The following LRRC4C variants were observed in gnomAD, a reference collection of about 807,000 sequenced individuals.
LRRC4C encodes the protein leucine rich repeat containing 4C.
A neutral mutation model predicts 33.6 loss-of-function variants in LRRC4C; 5 were observed. That is an observed-to-expected ratio of 0.15 (90% CI 0.08 to 0.31). LRRC4C has a LOEUF of 0.31. Ranked by LOEUF, LRRC4C falls within the 10% of genes least tolerant of loss-of-function variation. The pLI, the probability that LRRC4C is intolerant of heterozygous loss-of-function variation, is 1.00. For missense variants in LRRC4C, 560 were observed against 796.7 expected, an observed-to-expected ratio of 0.70 and a Z score of 3.58; for synonymous variants, 329 against 302.0, an observed-to-expected ratio of 1.09 and a Z score of -0.93.
At chr11:41,423,236 G>T (rs554470411) in intron 1 of LRRC4C, among the ~76,000 whole-genome samples, 19 of 152,010 alleles carry the variant, frequency 1.2e-4, no homozygotes, top group African/African-American at 4.3e-4. Context: ...TGGGTAATTG[G>T]CCAACACTGG....
chr11:41,381,688 A>G (rs1201086115), intron 1 of LRRC4C, among the ~76,000 whole-genome samples: 2 of 151,838 alleles, frequency 1.3e-5, no homozygotes, highest in East Asian at 1.9e-4. Context: ...AAAATGAGTA[A>G]GCATATATTT....
At chr11:41,092,777 G>T (rs761167085) in intron 1 of LRRC4C, among the ~76,000 whole-genome samples, 2 of 152,210 alleles carry the variant, frequency 1.3e-5, no homozygotes, top group East Asian at 3.8e-4. Context: ...TGAGCATCCA[G>T]ACTTGCAATT....
intron 5 of LRRC4C, among the ~76,000 whole-genome samples, chr11:40,202,256 G>C (rs1282869095): frequency 1.3e-5 from 2 of 148,708 alleles, no homozygotes; most frequent in African/African-American, 4.9e-5. Flanking sequence ...TCCACACTTG[G>C]CTGGCCAGAG....
intron 1 of LRRC4C, among the ~76,000 whole-genome samples, chr11:41,116,683 A>G (rs185888692): frequency 4.8e-4 from 73 of 152,152 alleles, no homozygotes; most frequent in Non-Finnish European, 8.7e-4. Flanking sequence ...AATGAAAATG[A>G]CTCTTAAAAC....
intron 1 of LRRC4C, among the ~76,000 whole-genome samples, chr11:41,149,458 C>T (rs1387101280): frequency 5.6e-5 from 8 of 143,794 alleles, no homozygotes; most frequent in Non-Finnish European, 1.0e-4. Context: ...TGCAGTGAGC[C>T]GAGATCCCGC....
At chr11:40,802,329 A>C (rs1467153038) in intron 2 of LRRC4C, among the ~76,000 whole-genome samples, 1 of 152,166 alleles carries the variant, frequency 6.6e-6, no homozygotes, top group African/African-American at 2.4e-5. Flanking sequence ...GTGGGTATTT[A>C]ATAAATGGTA....
At chr11:40,612,535 CTA>C (rs1452495894) in intron 3 of LRRC4C, among the ~76,000 whole-genome samples, 1 of 151,810 alleles carries the variant, frequency 6.6e-6, no homozygotes, top group Non-Finnish European at 1.5e-5. Flanking sequence ...AGATTTTATG[CTA>C]TATGTTTTTA....
intron 3 of LRRC4C, among the ~76,000 whole-genome samples, chr11:40,391,637 G>A (rs56249034): frequency 2.3e-3 from 351 of 152,184 alleles, no homozygotes; most frequent in African/African-American, 6.8e-3. Flanking sequence ...CAGTATTTCC[G>A]CTGCAAGCCA....
At chr11:40,535,529 A>T (rs1432250445) in intron 3 of LRRC4C, among the ~76,000 whole-genome samples, 1 of 152,228 alleles carries the variant, frequency 6.6e-6, no homozygotes, top group Non-Finnish European at 1.5e-5. Flanking sequence ...TAACTTTTAA[A>T]CATTGTTAAC....
intron 3 of LRRC4C, among the ~76,000 whole-genome samples, chr11:40,633,251 T>C (rs1963618733): frequency 6.6e-6 from 1 of 152,020 alleles, no homozygotes; most frequent in Admixed American, 6.6e-5. Flanking sequence ...GACACACACA[T>C]GCACACACAA....
chr11:40,277,889 G>A (rs945500530), intron 4 of LRRC4C, among the ~76,000 whole-genome samples: 3 of 152,054 alleles, frequency 2.0e-5, no homozygotes, highest in Non-Finnish European at 2.9e-5. Context: ...AAAAGGGTAC[G>A]TTGAGATAAA....
At chr11:40,635,357 A>T (rs1350035725) in intron 3 of LRRC4C, among the ~76,000 whole-genome samples, 1 of 152,026 alleles carries the variant, frequency 6.6e-6, no homozygotes, top group Non-Finnish European at 1.5e-5. Flanking sequence ...TGGCCTATAG[A>T]CCTCATTAAA....
intron 3 of LRRC4C, among the ~76,000 whole-genome samples, chr11:40,370,090 C>A (rs1318938011): frequency 6.6e-6 from 1 of 152,058 alleles, no homozygotes; most frequent in African/African-American, 2.4e-5. Context: ...AAGTGATTCC[C>A]TTTAGAATTC....
At chr11:40,738,142 T>C (rs889529012) in intron 2 of LRRC4C, among the ~76,000 whole-genome samples, 4 of 152,156 alleles carry the variant, frequency 2.6e-5, no homozygotes, top group Non-Finnish European at 4.4e-5. Context: ...ATCTAATAAA[T>C]AGTGTTGGGA....
At chr11:40,470,604 G>A (rs994201385) in intron 3 of LRRC4C, among the ~76,000 whole-genome samples, 2 of 152,166 alleles carry the variant, frequency 1.3e-5, no homozygotes. Context: ...AAAGGAGCAT[G>A]TTCTAACCCA....
chr11:41,148,372 C>T (rs1320516158), intron 1 of LRRC4C, among the ~76,000 whole-genome samples: 1 of 151,864 alleles, frequency 6.6e-6, no homozygotes, highest in Non-Finnish European at 1.5e-5. Context: ...GCCTGGGCAA[C>T]AGAGCAAGGC....
chr11:41,006,815 C>A (rs559757223), intron 1 of LRRC4C, among the ~76,000 whole-genome samples: 2 of 152,068 alleles, frequency 1.3e-5, no homozygotes, highest in African/African-American at 2.4e-5. Flanking sequence ...ATCAAACCTA[C>A]CTAACATGCA....
intron 1 of LRRC4C, among the ~76,000 whole-genome samples, chr11:41,003,874 G>T (rs1854553576): frequency 6.6e-6 from 1 of 151,986 alleles, no homozygotes; most frequent in African/African-American, 2.4e-5. Context: ...ATTCCTGATT[G>T]AAAAGAGCCA....
intron 5 of LRRC4C, among the ~76,000 whole-genome samples, chr11:40,163,046 T>C: frequency 6.6e-6 from 1 of 152,160 alleles, no homozygotes; most frequent in East Asian, 1.9e-4. Flanking sequence ...GCAGCAACCA[T>C]ATTGCACCTA....
Sources: allele counts gnomAD v4.1 joint callset (sites outside exome capture counted in the v4.1 genomes callset), GRCh38; gene constraint gnomAD v4.1.1; transcripts MANE v1.5; gene names NCBI Gene and HGNC (gene_info 2026-07-23, HGNC 2026-07-21).